TYW1: variants seen among roughly 807,000 people sequenced by gnomAD.
TYW1 encodes S-adenosyl-L-methionine-dependent tRNA 4-demethylwyosine synthase TYW1.
A neutral mutation model predicts 96.2 loss-of-function variants in TYW1; 46 were observed. That is an observed-to-expected ratio of 0.48 (90% confidence interval 0.38 to 0.61). TYW1 has a LOEUF of 0.61. TYW1 is among the 20% of genes least tolerant of loss of function. TYW1 has a pLI of 0.00. For missense variants in TYW1, 684 were observed against 909.6 expected, an observed-to-expected ratio of 0.75 and a Z score of 3.19; for synonymous variants, 274 against 323.0, an observed-to-expected ratio of 0.85 and a Z score of 1.63.
At chr7:67,068,280 C>G (rs1795930460) in intron 10 of TYW1, among the ~76,000 whole-genome samples, 1 of 152,158 alleles carries the variant, frequency 6.6e-6, no homozygotes, top group African/African-American at 2.4e-5. Context: ...CCTTGGCCTC[C>G]CAAAGTGCTG....
intron 13 of TYW1, among the ~76,000 whole-genome samples, chr7:67,165,095 G>A (rs902378700): frequency 1.3e-5 from 2 of 151,602 alleles, no homozygotes; most frequent in African/African-American, 2.4e-5. Flanking sequence ...TATGCCTGTC[G>A]TGCTAAACTC....
intron 13 of TYW1, among the ~76,000 whole-genome samples, chr7:67,120,143 G>A (rs947506717): frequency 2.0e-5 from 3 of 151,942 alleles, no homozygotes; most frequent in African/African-American, 7.3e-5. Flanking sequence ...TTGCGGTGGT[G>A]TGATCTTGGC....
chr7:67,225,280 A>G (rs1445261250), intron 15 of TYW1, among the ~76,000 whole-genome samples: 1 of 152,136 alleles, frequency 6.6e-6, no homozygotes, highest in Non-Finnish European at 1.5e-5. Context: ...TTCCAAATAC[A>G]AAGCCTACTT....
intron 11 of TYW1, among the ~76,000 whole-genome samples, chr7:67,093,346 C>T (rs568637661): frequency 6.6e-6 from 1 of 152,126 alleles, no homozygotes; most frequent in African/African-American, 2.4e-5. Context: ...TTTTAAAGAT[C>T]AGGGAATGGG....
intron 12 of TYW1, among the ~76,000 whole-genome samples, chr7:67,108,996 G>A (rs1167396006): frequency 2.0e-5 from 3 of 152,088 alleles, no homozygotes; most frequent in East Asian, 3.9e-4. Context: ...TGATGAGGCC[G>A]GGTGCGGTGG....
chr7:67,208,410 C>T (rs1800881969), intron 15 of TYW1, among the ~76,000 whole-genome samples: 1 of 151,572 alleles, frequency 6.6e-6, no homozygotes, highest in Non-Finnish European at 1.5e-5. Context: ...AACCCACAAC[C>T]ATCGGGCGCG....
intron 15 of TYW1, among the ~76,000 whole-genome samples, chr7:67,226,952 G>GA (rs78929100): frequency 0.034 from 5,221 of 152,182 alleles, 296 homozygotes; most frequent in East Asian, 0.18. Flanking sequence ...TGTATGTTTG[G>GA]AAGACCCATT....
chr7:67,199,667 T>G (rs1800525813), intron 15 of TYW1, among the ~76,000 whole-genome samples: 1 of 152,202 alleles, frequency 6.6e-6, no homozygotes, highest in Non-Finnish European at 1.5e-5. Flanking sequence ...ACTCAGGAAT[T>G]CTACTCTTTG....
intron 5 of TYW1, among the ~76,000 whole-genome samples, chr7:67,016,530 A>G (rs1476665223): frequency 6.6e-6 from 1 of 151,776 alleles, no homozygotes; most frequent in East Asian, 1.9e-4. Context: ...CTTGGTAACA[A>G]GAGTGAAACT....
intron 13 of TYW1, among the ~76,000 whole-genome samples, chr7:67,162,074 A>G (rs1380820827): frequency 6.6e-6 from 1 of 152,140 alleles, no homozygotes; most frequent in African/African-American, 2.4e-5. Flanking sequence ...AGTTGGGCGG[A>G]TCACAAGTTC....
intron 15 of TYW1, among the ~76,000 whole-genome samples, chr7:67,226,709 T>G (rs1801569945): frequency 6.6e-6 from 1 of 152,184 alleles, no homozygotes; most frequent in African/African-American, 2.4e-5. Context: ...CTGTCTTGAT[T>G]AATTGGCTCT....
At chr7:67,184,185 A>T (rs555553880) in intron 14 of TYW1, among the ~76,000 whole-genome samples, 1 of 152,314 alleles carries the variant, frequency 6.6e-6, no homozygotes, top group South Asian at 2.1e-4. Context: ...TCAACTAAAA[A>T]TTTTAATTTC....
At chr7:67,140,746 C>G (rs1278598417) in intron 13 of TYW1, among the ~76,000 whole-genome samples, 1 of 152,128 alleles carries the variant, frequency 6.6e-6, no homozygotes, top group Non-Finnish European at 1.5e-5. Context: ...CAGTTCATAT[C>G]TAGTAATTTC....
At chr7:67,171,563 G>A (rs1432847419) in intron 13 of TYW1, among the ~76,000 whole-genome samples, 1 of 152,096 alleles carries the variant, frequency 6.6e-6, no homozygotes, top group Non-Finnish European at 1.5e-5. Context: ...TGGTTACTGA[G>A]AGAGATGTGT....
intron 7 of TYW1, among the ~76,000 whole-genome samples, chr7:67,046,730 A>G (rs1795199471): frequency 1.3e-5 from 2 of 152,218 alleles, no homozygotes; most frequent in Non-Finnish European, 2.9e-5. Context: ...AAACGAAATT[A>G]CTACTGCATA....
chr7:67,041,486 G>A (rs1795019879), intron 7 of TYW1, among the ~76,000 whole-genome samples: 1 of 152,094 alleles, frequency 6.6e-6, no homozygotes, highest in Non-Finnish European at 1.5e-5. Flanking sequence ...TTTTAGTAGA[G>A]ACAGTGCCTC....
intron 15 of TYW1, among the ~76,000 whole-genome samples, chr7:67,234,943 C>CT (rs5884607): frequency 0.27 from 40,506 of 150,126 alleles, 5,739 homozygotes; most frequent in African/African-American, 0.36. Context: ...ATATTTTTGA[C>CT]TGTAGGTATG....
intron 12 of TYW1, among the ~76,000 whole-genome samples, chr7:67,113,201 A>C (rs1332060740): frequency 6.6e-6 from 1 of 151,442 alleles, no homozygotes; most frequent in African/African-American, 2.4e-5. Flanking sequence ...TACCCATTAC[A>C]TTTTCCCCAC....
intron 13 of TYW1, among the ~76,000 whole-genome samples, chr7:67,157,245 C>T (rs1799011502): frequency 6.6e-6 from 1 of 152,306 alleles, no homozygotes; most frequent in African/African-American, 2.4e-5. Context: ...TAACGTTTTA[C>T]ATTACTATGG....
Sources: gnomAD v4.1 joint callset for allele counts (sites outside exome capture counted in the v4.1 genomes callset) on GRCh38, gnomAD v4.1.1 for gene constraint, MANE v1.5 for transcripts, NCBI Gene and HGNC (gene_info 2026-07-23, HGNC 2026-07-21) for gene names.